Variants in ARHGEF28 observed in about 807,000 individuals in gnomAD.
ARHGEF28 encodes the protein 190 kDa guanine nucleotide exchange factor.
ARHGEF28 carries 152 observed loss-of-function variants against 206.6 expected under a neutral mutation model. The observed-to-expected ratio is 0.74, with a 90% CI of 0.64 to 0.84. ARHGEF28 has a LOEUF of 0.84. Among genes scored for constraint, ARHGEF28 ranks in the 40% least tolerant of loss-of-function variants. The pLI is 0.00. For missense variants in ARHGEF28, 2,028 were observed against 2,073.2 expected, an observed-to-expected ratio of 0.98 and a Z score of 0.42; for synonymous variants, 763 against 776.4, an observed-to-expected ratio of 0.98 and a Z score of 0.29.
At chr5:73,765,021 A>G (rs1164666980) in intron 4 of ARHGEF28, among the ~76,000 whole-genome samples, 1 of 151,818 alleles carries the variant, frequency 6.6e-6, no homozygotes, top group Non-Finnish European at 1.5e-5. Flanking sequence ...TTTGTTCATC[A>G]TTTTTGGCAT....
chr5:73,918,029 C>T (rs1763309902), intron 35 of ARHGEF28, among the ~76,000 whole-genome samples: 1 of 152,140 alleles, frequency 6.6e-6, no homozygotes, highest in South Asian at 2.1e-4. Context: ...TCACTCTCTC[C>T]ATGTATCAGA....
At chr5:73,748,705 G>T (rs1054104095) in intron 2 of ARHGEF28, among the ~76,000 whole-genome samples, 3 of 152,104 alleles carry the variant, frequency 2.0e-5, no homozygotes, top group African/African-American at 7.2e-5. Flanking sequence ...GCTTCTCCAC[G>T]CAGGGCCGAG....
intron 9 of ARHGEF28, among the ~76,000 whole-genome samples, chr5:73,813,867 G>A (rs889589429): frequency 6.8e-6 from 1 of 147,750 alleles, no homozygotes; most frequent in Non-Finnish European, 1.5e-5. Flanking sequence ...CTTTCACTTT[G>A]AATCTACCTA....
intron 30 of ARHGEF28, chr5:73,898,415 A>T (rs1190381747): frequency 1.2e-5 from 2 of 168,732 alleles, no homozygotes; most frequent in Non-Finnish European, 2.6e-5. Context: ...TTTTGAAAGA[A>T]CTTTTTAACT....
At chr5:73,935,920 C>T (rs149300091) in intron 35 of ARHGEF28, among the ~76,000 whole-genome samples, 74 of 152,294 alleles carry the variant, frequency 4.9e-4, no homozygotes, top group African/African-American at 1.7e-3. Flanking sequence ...GTCATCAGTG[C>T]TCTCAATGGC....
At chr5:73,913,034 T>A (rs1289124207) in intron 35 of ARHGEF28, among the ~76,000 whole-genome samples, 1 of 152,250 alleles carries the variant, frequency 6.6e-6, no homozygotes, top group Admixed American at 6.5e-5. Flanking sequence ...TAAAACTTTT[T>A]AAACCATTTG....
intron 1 of ARHGEF28, among the ~76,000 whole-genome samples, chr5:73,677,939 G>T (rs1289982405): frequency 6.6e-6 from 1 of 152,214 alleles, no homozygotes; most frequent in Non-Finnish European, 1.5e-5. Context: ...TATAGAGGGT[G>T]GCATTTATAT....
intron 4 of ARHGEF28, among the ~76,000 whole-genome samples, chr5:73,756,796 T>C (rs1246683820): frequency 2.0e-5 from 3 of 152,234 alleles, no homozygotes; most frequent in Admixed American, 6.5e-5. Flanking sequence ...GTTTTAATTT[T>C]GTACTTTAGA....
Position 73,883,767 on chromosome 5 carries a change from C to T in ARHGEF28, c.2938C>T (p.Leu980Phe). Residue 980 changes from leucine to phenylalanine, a missense_variant and splice_region_variant, in exon 24 of 36, where the codon CTC (leucine) becomes TTC (phenylalanine). Leu to Phe is a conservative substitution (Grantham distance 22). Around this residue, in one of 3 missense-constraint regions of ARHGEF28, gnomAD observed 223 missense variants for 289.9 expected, o/e 0.77. Coordinates refer to ENST00000513042, the MANE Select transcript of ARHGEF28 (RefSeq NM_001177693.2). ...QNKKFQNFIK[L>F]RNSNLLARRR... is the part of the protein sequence containing the mutation. ...TACATAAAAGTATATATTTTTTAAG[C>T]TCCGAAATAGTAATCTTTTGGCTCG... The T allele has an allele frequency of 6.5e-7, 1 of 1,536,790 alleles. No individual in the cohort carries two copies. Among genetic ancestry groups the T allele is most frequent in the Non-Finnish European group, 8.8e-7 (1 of 1,139,000 alleles).
chr5:73,730,483 A>G (rs139282605), intron 2 of ARHGEF28, among the ~76,000 whole-genome samples: 92 of 150,516 alleles, frequency 6.1e-4, no homozygotes, highest in African/African-American at 2.2e-3. Flanking sequence ...TGACTTGATC[A>G]TGTATGCAAC....
At chr5:73,850,504 C>T (rs1047015398) in intron 13 of ARHGEF28, among the ~76,000 whole-genome samples, 5 of 152,010 alleles carry the variant, frequency 3.3e-5, no homozygotes, top group Non-Finnish European at 7.4e-5. Flanking sequence ...TTTAATAGCT[C>T]GACACCTTTT....
rs1443768629 is a variant in ARHGEF28, at chr5:73,909,539, C to T, written c.4289C>T (p.Ala1430Val). The change falls in exon 34 of 36, where the codon GCG becomes GTG. Residue 1430 changes from alanine to valine, a missense_variant. Ala to Val is a moderately conservative substitution (Grantham distance 64). This residue lies in a region of ARHGEF28 where 803 missense variants were observed against 768.0 expected (regional missense o/e 1.05). Coordinates refer to ENST00000513042, the MANE Select transcript of ARHGEF28 (RefSeq NM_001177693.2). The stretch of plus-strand genomic sequence containing the variant: ...TTGCAGGACCAGAAGTCTCGCGACG[C>T]GGACAGGCAGCATGAGGAGCTGGCC... ...GPLQDQKSRD[A>V]DRQHEELANV... 6.9e-6 allele frequency: 11 copies of T among 1,590,188 alleles called. No homozygotes were observed. The highest frequency in any genetic ancestry group is 1.3e-5 in the African/African-American group (1 of 74,442).
chr5:73,783,613 C>T (rs1753980672), intron 7 of ARHGEF28, among the ~76,000 whole-genome samples: 1 of 152,042 alleles, frequency 6.6e-6, no homozygotes, highest in African/African-American at 2.4e-5. Context: ...AGAGAATCTG[C>T]CCTACAGCAG....
chr5:73,713,236 A>C (rs182171438), intron 2 of ARHGEF28, among the ~76,000 whole-genome samples: 50 of 152,346 alleles, frequency 3.3e-4, no homozygotes, highest in African/African-American at 1.2e-3. Flanking sequence ...AGTGAACTCC[A>C]ATGACATATA....
chr5:73,664,877 TTTC>T (rs373555687), intron 1 of ARHGEF28, among the ~76,000 whole-genome samples: 1 of 152,146 alleles, frequency 6.6e-6, no homozygotes, highest in Non-Finnish European at 1.5e-5. Context: ...ATTTCATTTT[TTTC>T]TTCTTCTCAT....
rs114045692 is a variant in ARHGEF28, at chr5:73,726,593, A to C, written c.34-23244A>C. ...CAATACAGTATACGATGAACTTACT[A>C]AGCACAGTGTAAGTTGCTAGGAATA... On this transcript the variant is annotated intron_variant, in intron 2 of 35. Coordinates refer to ENST00000513042, the MANE Select transcript of ARHGEF28 (RefSeq NM_001177693.2). Among the ~76,000 whole-genome samples, 294 of 152,334 alleles carry C rather than the reference A, an allele frequency of 1.9e-3. 1 individual carries two copies. The highest frequency in any genetic ancestry group is 6.9e-3 in the African/African-American group (286 of 41,566).
intron 1 of ARHGEF28, among the ~76,000 whole-genome samples, chr5:73,642,654 C>T (rs1183814397): frequency 9.2e-5 from 14 of 151,914 alleles, no homozygotes; most frequent in African/African-American, 2.4e-5. Flanking sequence ...GCCTTGATTC[C>T]GTCTTCTTGG....
intron 35 of ARHGEF28, among the ~76,000 whole-genome samples, chr5:73,917,603 G>T (rs914276451): frequency 2.6e-5 from 4 of 152,206 alleles, no homozygotes; most frequent in African/African-American, 9.6e-5. Flanking sequence ...CAGAGCCTAA[G>T]ACACAGCAGG....
At chr5:73,641,331 C>G (rs1033209057) in intron 1 of ARHGEF28, among the ~76,000 whole-genome samples, 1 of 151,514 alleles carries the variant, frequency 6.6e-6, no homozygotes, top group African/African-American at 2.4e-5. Context: ...TCTAATCCTT[C>G]AAACCTGGTG....
Sources: allele counts gnomAD v4.1 joint callset (sites outside exome capture counted in the v4.1 genomes callset), GRCh38; gene constraint gnomAD v4.1.1; regional missense constraint gnomAD v4.1.1; transcripts MANE v1.5; gene names NCBI Gene and HGNC (gene_info 2026-07-23, HGNC 2026-07-21).